PTPRD: variants seen among roughly 807,000 people sequenced by gnomAD.
PTPRD encodes receptor-type tyrosine-protein phosphatase delta.
PTPRD carries 34 observed loss-of-function variants against 214.5 expected under a neutral mutation model. That is an observed-to-expected ratio of 0.16 (90% CI 0.12 to 0.21). PTPRD has a LOEUF of 0.21. PTPRD is among the 10% of genes least tolerant of loss of function. The probability of loss-of-function intolerance (pLI) is 1.00; values close to 1 mark genes in which losing one functional copy is unlikely to be tolerated. For missense variants in PTPRD, 2,545 were observed against 2,398.7 expected (o/e 1.06, Z -1.27); for synonymous variants, 1,128 against 845.7 (o/e 1.33, Z -5.79).
At chr9:9,865,390 G>T (rs754288107) in intron 5 of PTPRD, among the ~76,000 whole-genome samples, 1 of 152,132 alleles carries the variant, frequency 6.6e-6, no homozygotes, top group African/African-American at 2.4e-5. Flanking sequence ...GCATTATCAT[G>T]GGAGAGGGAC....
intron 3 of PTPRD, among the ~76,000 whole-genome samples, chr9:10,292,683 G>A (rs2095561974): frequency 6.6e-6 from 1 of 151,702 alleles, no homozygotes; most frequent in South Asian, 2.1e-4. Context: ...TCCCTTTTTT[G>A]TTCTTTTTTT....
At chr9:10,078,573 C>T (rs1378724892) in intron 3 of PTPRD, among the ~76,000 whole-genome samples, 1 of 148,614 alleles carries the variant, frequency 6.7e-6, no homozygotes, top group Non-Finnish European at 1.5e-5. Context: ...ATGTAGCCCT[C>T]TACTCATTGT....
rs543759401 is a variant in PTPRD, at chr9:10,283,840, T to C, written c.-545+57123A>G. On this transcript the variant is annotated intron_variant, in intron 3 of 45. Coordinates refer to ENST00000381196, the MANE Select transcript of PTPRD (RefSeq NM_002839.4). ...AATTTTATGTGTGCAGATCTTTTAG[T>C]TATCTGCCATTCTGAAACTGGTTAG... is the stretch of plus-strand genomic sequence containing the variant. Among the ~76,000 whole-genome samples, 6 of 152,302 alleles carry C rather than the reference T, an allele frequency of 3.9e-5. No individual in the cohort carries two copies. The South Asian group carries it at 8.3e-4, about 21-fold the overall frequency.
intron 8 of PTPRD, among the ~76,000 whole-genome samples, chr9:9,563,187 A>C (rs921171326): frequency 2.0e-5 from 3 of 152,190 alleles, no homozygotes; most frequent in Non-Finnish European, 2.9e-5. Flanking sequence ...AGGGGTGGTC[A>C]AGATATAGTA....
intron 5 of PTPRD, among the ~76,000 whole-genome samples, chr9:9,864,680 A>G (rs1053612903): frequency 1.3e-5 from 2 of 151,854 alleles, no homozygotes; most frequent in African/African-American, 2.4e-5. Context: ...CACCAAGCCC[A>G]GCTAATTTTT....
At chr9:10,532,387 T>C (rs1407984307) in intron 2 of PTPRD, 1 of 151,926 alleles carries the variant, frequency 6.6e-6, no homozygotes, top group East Asian at 1.9e-4. Flanking sequence ...AGAAAGTCAC[T>C]GAAAATATTT....
intron 3 of PTPRD, among the ~76,000 whole-genome samples, chr9:10,077,369 T>A (rs1590448653): frequency 1.3e-5 from 2 of 152,308 alleles, no homozygotes; most frequent in East Asian, 3.9e-4. Flanking sequence ...CAAAATTCAT[T>A]TGCTTAAGAT....
chr9:10,579,544 C>G (rs10117721), intron 2 of PTPRD, among the ~76,000 whole-genome samples: 34,260 of 151,956 alleles, frequency 0.23, 4,177 homozygotes, highest in East Asian at 0.48. Context: ...GGTTCCATGT[C>G]TTTTCTATTG....
Position 9,983,713 on chromosome 9 carries a change from G to A in PTPRD, c.-471-45103C>T, listed in dbSNP as rs377717662. On this transcript the variant is annotated intron_variant, in intron 4 of 45. Coordinates refer to ENST00000381196, the MANE Select transcript of PTPRD (RefSeq NM_002839.4). ...ATAAATAACTGCAACATACTTACGTGATTTCACAACTAATGTGATCAACAA... is the reference window on the plus strand; with the variant it reads ...ATAAATAACTGCAACATACTTACGTAATTTCACAACTAATGTGATCAACAA... 9.8e-5 allele frequency among the ~76,000 whole-genome samples: 15 copies of A among 152,300 alleles called. No individual in the cohort carries two copies. In the East Asian group the frequency reaches 2.9e-3, roughly 29 times the overall value.
At chr9:8,484,921 C>A (rs1055698826) in intron 29 of PTPRD, among the ~76,000 whole-genome samples, 2 of 151,982 alleles carry the variant, frequency 1.3e-5, no homozygotes, top group Non-Finnish European at 2.9e-5. Flanking sequence ...TAGGTAGAAA[C>A]CATGTAAATT....
At chr9:9,053,986 T>A (rs925069111) in intron 10 of PTPRD, among the ~76,000 whole-genome samples, 1 of 152,178 alleles carries the variant, frequency 6.6e-6, no homozygotes, top group Non-Finnish European at 1.5e-5. Flanking sequence ...AATTTGGTAA[T>A]ATGAGTGAGA....
At chr9:9,983,502 A>G (rs1304975543) in intron 4 of PTPRD, among the ~76,000 whole-genome samples, 1 of 152,224 alleles carries the variant, frequency 6.6e-6, no homozygotes, top group Non-Finnish European at 1.5e-5. Context: ...ACAACCAACA[A>G]TAAAATACAG....
intron 19 of PTPRD, among the ~76,000 whole-genome samples, chr9:8,523,142 G>C (rs931951631): frequency 5.3e-5 from 8 of 152,082 alleles, no homozygotes; most frequent in African/African-American, 1.2e-4. Flanking sequence ...TTCATGCTTG[G>C]GATTAGGGGA....
intron 35 of PTPRD, among the ~76,000 whole-genome samples, chr9:8,413,859 T>C (rs1306415779): frequency 6.6e-6 from 1 of 152,162 alleles, no homozygotes; most frequent in African/African-American, 2.4e-5. Flanking sequence ...TATTTTTAAA[T>C]GTATATTAGT....
intron 11 of PTPRD, among the ~76,000 whole-genome samples, chr9:8,788,538 G>C (rs1334562265): frequency 1.3e-5 from 2 of 151,996 alleles, no homozygotes. Flanking sequence ...GCCTCCCAAA[G>C]TGCTGGGATT....
At chr9:9,988,306 G>T (rs1244421012) in intron 4 of PTPRD, among the ~76,000 whole-genome samples, 1 of 151,982 alleles carries the variant, frequency 6.6e-6, no homozygotes, top group African/African-American at 2.4e-5. Context: ...ATTTCTTCTT[G>T]TCTGTTATTT....
At chr9:10,231,057 A>G (rs2099607738) in intron 3 of PTPRD, among the ~76,000 whole-genome samples, 1 of 151,994 alleles carries the variant, frequency 6.6e-6, no homozygotes, top group Non-Finnish European at 1.5e-5. Flanking sequence ...GGTCAAAAGG[A>G]AGACACAGAA....
Position 9,653,348 on chromosome 9 carries a change from C to CAAAAAAAAAAA in PTPRD, c.-286-78578_-286-78568dup, listed in dbSNP as rs1175875551. 4.6e-4 allele frequency among the ~76,000 whole-genome samples: 15 copies of CAAAAAAAAAAA among 32,506 alleles called. 1 individual carries two copies. Among genetic ancestry groups the CAAAAAAAAAAA allele is most frequent in the Non-Finnish European group, 6.7e-4 (12 of 17,966 alleles). The allele number at this position is 32,506 out of a possible 152,430, so 21.3% of individuals were successfully genotyped here. A position where few individuals can be genotyped will look rare whatever the true frequency, so the allele number is the denominator to read the frequency against. On this transcript the variant is annotated intron_variant, in intron 7 of 45. Transcript: ENST00000381196. The stretch of plus-strand genomic sequence containing the variant: ...TGGGCGACAGAGCGAGACTCCGTCT[C>CAAAAAAAAAAA]AAAAAAAAAAAAAAAAAAAAAAAAA...
At chr9:8,949,967 G>C (rs1010588259) in intron 11 of PTPRD, among the ~76,000 whole-genome samples, 2 of 152,164 alleles carry the variant, frequency 1.3e-5, no homozygotes, top group Non-Finnish European at 2.9e-5. Context: ...ACAGAAGGGA[G>C]AGTAGTACAG....
Sources: allele counts gnomAD v4.1 joint callset (sites outside exome capture counted in the v4.1 genomes callset), GRCh38; gene constraint gnomAD v4.1.1; transcripts MANE v1.5; gene names NCBI Gene and HGNC (gene_info 2026-07-23, HGNC 2026-07-21).